HP1BP3: variants seen among roughly 807,000 people sequenced by gnomAD.
The protein encoded by HP1BP3 is heterochromatin protein 1 binding protein 3, also known as heterochromatin protein 1-binding protein 3.
In HP1BP3, 12 loss-of-function variants were observed where a neutral mutation model predicts 62.5. That is an observed-to-expected ratio of 0.19 (90% CI 0.12 to 0.31). The LOEUF is 0.31. HP1BP3 is among the 10% of genes least tolerant of loss of function. The pLI is 1.00. For synonymous variants in HP1BP3, 260 were observed against 237.8 expected (o/e 1.09, Z -0.86); for missense variants, 502 against 651.8 (o/e 0.77, Z 2.50).
chr1:20,765,037 C>T (rs78979241), intron 8 of HP1BP3, among the ~76,000 whole-genome samples: 2 of 150,508 alleles, frequency 1.3e-5, no homozygotes, highest in African/African-American at 2.4e-5. Context: ...GGTGTCGTGG[C>T]GGGTGCCTGT....
At chr1:20,758,645 C>CTTT (rs1001723047) in intron 8 of HP1BP3, among the ~76,000 whole-genome samples, 2 of 133,078 alleles carry the variant, frequency 1.5e-5, no homozygotes, top group Non-Finnish European at 3.3e-5. Context: ...CACACCTGGC[C>CTTT]TTTTTTTTTT....
At chr1:20,753,020 C>A (rs2055872508) in intron 9 of HP1BP3, among the ~76,000 whole-genome samples, 1 of 152,040 alleles carries the variant, frequency 6.6e-6, no homozygotes, top group Admixed American at 6.6e-5. Context: ...TGGCTTACTG[C>A]AACCTCTGCC....
chr1:20,767,023 A>C (rs535531387), intron 7 of HP1BP3, among the ~76,000 whole-genome samples: 1 of 152,226 alleles, frequency 6.6e-6, no homozygotes, highest in South Asian at 2.1e-4. Context: ...ATTTCACAAA[A>C]AGCAGTATAA....
At chr1:20,761,737 T>TA (rs1240076790) in intron 8 of HP1BP3, among the ~76,000 whole-genome samples, 2 of 152,184 alleles carry the variant, frequency 1.3e-5, no homozygotes, top group Non-Finnish European at 1.5e-5. Context: ...ATGAGAGGCC[T>TA]AAGGTATAAC....
intron 7 of HP1BP3, among the ~76,000 whole-genome samples, chr1:20,765,859 G>A (rs2056754856): frequency 6.6e-6 from 1 of 151,308 alleles, no homozygotes; most frequent in African/African-American, 2.4e-5. Context: ...CAGATACTTG[G>A]AAGGCTGAGG....
rs1012798165 is a variant in HP1BP3, at chr1:20,744,627, C to G, written c.*170G>C. On this transcript the variant is annotated 3_prime_UTR_variant, in exon 13 of 13. Transcript: ENST00000438032. Reference sequence around the variant, plus strand: ...GGAAAAGGGCAGGCACCAATAAAAGCACCTAAAGCTAGCAAATGCCTAAAC... The same window carrying G: ...GGAAAAGGGCAGGCACCAATAAAAGGACCTAAAGCTAGCAAATGCCTAAAC... The G allele has an allele frequency of 1.6e-6, 1 of 621,374 alleles. No individual in the cohort carries two copies. The highest frequency in any genetic ancestry group is 2.8e-6 in the Non-Finnish European group (1 of 363,454). The allele number at this position is 621,374 out of a possible 1,614,324, so 38.5% of individuals were successfully genotyped here. A position where few individuals can be genotyped will look rare whatever the true frequency, so the allele number is the denominator to read the frequency against.
chr1:20,747,769 T>C (rs564127465), intron 10 of HP1BP3, 114 bp from the exon 11 acceptor site: 1 of 648,814 alleles, frequency 1.5e-6, no homozygotes, highest in East Asian at 2.7e-5. Flanking sequence ...GTAATTGACA[T>C]ACACTAAGTG....
intron 1 of HP1BP3, among the ~76,000 whole-genome samples, chr1:20,783,552 A>C (rs1337869836): frequency 6.6e-6 from 1 of 150,920 alleles, no homozygotes; most frequent in Non-Finnish European, 1.5e-5. Flanking sequence ...AAAAAAAAAC[A>C]AAAAAAATAG....
intron 9 of HP1BP3, among the ~76,000 whole-genome samples, chr1:20,751,237 C>T (rs934870683): frequency 1.3e-5 from 2 of 151,856 alleles, no homozygotes; most frequent in African/African-American, 4.8e-5. Flanking sequence ...GTTTGTAAGG[C>T]TTCCGGTCAA....
intron 5 of HP1BP3, among the ~76,000 whole-genome samples, chr1:20,772,925 G>T (rs1005618138): frequency 4.6e-5 from 7 of 152,160 alleles, no homozygotes; most frequent in African/African-American, 1.7e-4. Flanking sequence ...GAATGTCTAG[G>T]TAATAAAGCA....
At chr1:20,770,479 C>CTG (rs1236306721) in intron 6 of HP1BP3, among the ~76,000 whole-genome samples, 17 of 152,046 alleles carry the variant, frequency 1.1e-4, no homozygotes, top group Admixed American at 1.0e-3. Context: ...CCAAACCCTG[C>CTG]TGATTTTGTA....
chr1:20,770,611 A>C (rs892873619), intron 6 of HP1BP3, among the ~76,000 whole-genome samples: 1 of 152,024 alleles, frequency 6.6e-6, no homozygotes, highest in Admixed American at 6.6e-5. Flanking sequence ...CACCATCCCT[A>C]GCCTCATTTT....
chr1:20,745,488 T>C, intron 12 of HP1BP3, 55 bp downstream of exon 12: 1 of 1,578,394 alleles, frequency 6.3e-7, no homozygotes, highest in Non-Finnish European at 8.6e-7. Context: ...AGCACTATTT[T>C]TCAGCTCTGA....
chr1:20,761,038 A>C (rs1277216846), intron 8 of HP1BP3, among the ~76,000 whole-genome samples: 1 of 151,834 alleles, frequency 6.6e-6, no homozygotes, highest in Non-Finnish European at 1.5e-5. Flanking sequence ...GTTTACTGAT[A>C]TATTTTATTT....
intron 1 of HP1BP3, among the ~76,000 whole-genome samples, chr1:20,782,331 C>T (rs1040635132): frequency 6.6e-6 from 1 of 151,842 alleles, no homozygotes; most frequent in Admixed American, 6.6e-5. Flanking sequence ...CACCTGTAAT[C>T]CCAGCACTTT....
chr1:20,765,977 A>C (rs2056763230), intron 7 of HP1BP3, among the ~76,000 whole-genome samples: 1 of 150,504 alleles, frequency 6.6e-6, no homozygotes, highest in Admixed American at 6.7e-5. Context: ...AAAAAAAAAA[A>C]AACAAAAAAA....
At chr1:20,777,610 C>T (rs185278993) in intron 3 of HP1BP3, among the ~76,000 whole-genome samples, 130 of 152,224 alleles carry the variant, frequency 8.5e-4, no homozygotes, top group Middle Eastern at 6.8e-3. Context: ...AGGTGCGTGC[C>T]GCCATGCCCA....
Position 20,744,654 on chromosome 1 carries a change from GGTTT to G in HP1BP3, c.*139_*142del. 1 of 748,454 alleles carries G rather than the reference GGTTT, an allele frequency of 1.3e-6. No homozygotes were observed. The highest frequency in any genetic ancestry group is 2.1e-6 in the Non-Finnish European group (1 of 470,714). 46.4% of individuals were successfully genotyped at this position (748,454 alleles called of 1,614,324 possible). On this transcript the variant is annotated 3_prime_UTR_variant, in exon 13 of 13. Coordinates refer to ENST00000438032, the MANE Select transcript of HP1BP3 (RefSeq NM_001372052.1). ...CCTAAAGCTAGCAAATGCCTAAACTGGTTTATTTAGAGTCCCTCCCCACAATGTT... is the reference window on the plus strand; with the variant it reads ...CCTAAAGCTAGCAAATGCCTAAACTGATTTAGAGTCCCTCCCCACAATGTT...
intron 8 of HP1BP3, among the ~76,000 whole-genome samples, chr1:20,763,474 T>C (rs1445201509): frequency 6.6e-6 from 1 of 152,244 alleles, no homozygotes; most frequent in African/African-American, 2.4e-5. Context: ...AAAATGTGGC[T>C]TCTGGACTGA....
Sources: gnomAD v4.1 joint callset for allele counts (sites outside exome capture counted in the v4.1 genomes callset) on GRCh38, gnomAD v4.1.1 for gene constraint, MANE v1.5 for transcripts, NCBI Gene and HGNC (gene_info 2026-07-23, HGNC 2026-07-21) for gene names.